Variants in NRXN3 observed in about 807,000 individuals in gnomAD.
NRXN3 encodes neurexin 3, also known as neurexin III.
In NRXN3, 32 loss-of-function variants were observed where a neutral mutation model predicts 137.6. The observed-to-expected ratio is 0.23, with a 90% confidence interval of 0.18 to 0.31. The LOEUF (loss-of-function observed/expected upper bound fraction) is 0.31. Ranked by LOEUF, NRXN3 falls within the 10% of genes least tolerant of loss-of-function variation. The pLI is 1.00. For synonymous variants in NRXN3, 798 were observed against 784.5 expected (o/e 1.02, Z -0.29); for missense variants, 1,574 against 2,062.5 (o/e 0.76, Z 4.59).
chr14:79,519,310 C>G (rs1195243334), intron 16 of NRXN3, among the ~76,000 whole-genome samples: 1 of 151,968 alleles, frequency 6.6e-6, no homozygotes, highest in Non-Finnish European at 1.5e-5. Context: ...TCCTCTTTTT[C>G]ATGATGAGAT....
chr14:79,604,618 G>A (rs923469276), intron 16 of NRXN3, among the ~76,000 whole-genome samples: 2 of 152,018 alleles, frequency 1.3e-5, no homozygotes, highest in Non-Finnish European at 2.9e-5. Context: ...TGGAAGTGAG[G>A]TTTAAAATCA....
intron 15 of NRXN3, among the ~76,000 whole-genome samples, chr14:79,390,537 C>G (rs1231326046): frequency 6.6e-6 from 1 of 152,108 alleles, no homozygotes; most frequent in Non-Finnish European, 1.5e-5. Context: ...CAATCTCACT[C>G]AAGACTGGGA....
Position 79,861,361 on chromosome 14 carries a change from A to AATCT in NRXN3, c.4114_4117dup (p.Phe1373TyrfsTer19). ...TAACAGATAAGAGTCTTTCCACTTC[A>AATCT]ATCTTCGAAGGTGGCTACAAAGCAC... On this transcript the variant is annotated frameshift_variant, in exon 21 of 21. Transcript: ENST00000335750. LOFTEE classifies it high-confidence loss of function. The surrounding 1 kb of genome is among the most constrained non-coding windows in gnomAD (Gnocchi z 5.4). The AATCT allele has an allele frequency of 6.5e-7, 1 of 1,536,134 alleles. No homozygotes were observed.
chr14:79,826,285 G>A (rs1300240367), intron 20 of NRXN3, among the ~76,000 whole-genome samples: 1 of 152,056 alleles, frequency 6.6e-6, no homozygotes, highest in Non-Finnish European at 1.5e-5. Flanking sequence ...GAGCCGCTGT[G>A]CCCAACCTGA....
At chr14:79,080,438 T>C (rs752531553) in intron 15 of NRXN3, among the ~76,000 whole-genome samples, 3 of 152,182 alleles carry the variant, frequency 2.0e-5, no homozygotes, top group Non-Finnish European at 4.4e-5. Flanking sequence ...TGGAGACTCT[T>C]TGAGAAGGAG....
intron 19 of NRXN3, among the ~76,000 whole-genome samples, chr14:79,796,102 G>A (rs1169718229): frequency 6.6e-6 from 1 of 152,106 alleles, no homozygotes; most frequent in African/African-American, 2.4e-5. Flanking sequence ...CAATCCTAGA[G>A]AGGACAGCAC....
At chr14:79,320,597 A>G (rs1191043349) in intron 15 of NRXN3, among the ~76,000 whole-genome samples, 1 of 152,212 alleles carries the variant, frequency 6.6e-6, no homozygotes, top group African/African-American at 2.4e-5. Flanking sequence ...TCAAGGCCTG[A>G]AGCATTTAAA....
At chr14:79,587,302 A>G (rs2097771061) in intron 16 of NRXN3, among the ~76,000 whole-genome samples, 3 of 152,228 alleles carry the variant, frequency 2.0e-5, no homozygotes, top group Admixed American at 2.0e-4. Flanking sequence ...CTATAAATAT[A>G]GTTTCCTTTG....
intron 16 of NRXN3, among the ~76,000 whole-genome samples, chr14:79,477,430 C>A (rs956412950): frequency 6.6e-6 from 1 of 152,052 alleles, no homozygotes; most frequent in Admixed American, 6.6e-5. Context: ...GGCAATAATG[C>A]CAATTTGTAG....
chr14:79,340,183 G>A (rs1566847494), intron 15 of NRXN3, among the ~76,000 whole-genome samples: 2 of 151,780 alleles, frequency 1.3e-5, no homozygotes, highest in African/African-American at 4.9e-5. Flanking sequence ...GTGTGTGTGT[G>A]TGTGTGTATG....
chr14:79,577,850 C>T (rs1398051665), intron 16 of NRXN3, among the ~76,000 whole-genome samples: 1 of 152,200 alleles, frequency 6.6e-6, no homozygotes, highest in Non-Finnish European at 1.5e-5. Flanking sequence ...TCTCTTACAT[C>T]TGTTTGCACA....
At chr14:78,284,359 C>T (rs932054483) in intron 3 of NRXN3, among the ~76,000 whole-genome samples, 1 of 152,126 alleles carries the variant, frequency 6.6e-6, no homozygotes, top group Non-Finnish European at 1.5e-5. Flanking sequence ...CCAGACCTAA[C>T]CAATGTACTT....
intron 15 of NRXN3, among the ~76,000 whole-genome samples, chr14:79,284,416 G>C (rs557192275): frequency 3.1e-5 from 4 of 129,454 alleles, no homozygotes; most frequent in Non-Finnish European, 6.4e-5. Flanking sequence ...CCTAAAAAAT[G>C]CTTCAGTATT....
chr14:79,782,477 T>A (rs2099116863), intron 19 of NRXN3, among the ~76,000 whole-genome samples: 1 of 151,900 alleles, frequency 6.6e-6, no homozygotes, highest in Admixed American at 6.5e-5. Flanking sequence ...ATGGTTATTA[T>A]GGTCTCTTGA....
intron 10 of NRXN3, among the ~76,000 whole-genome samples, chr14:78,919,855 T>A (rs1567704301): frequency 6.6e-6 from 1 of 152,238 alleles, no homozygotes; most frequent in African/African-American, 2.4e-5. Context: ...AGTAATAATG[T>A]TATTTTATTA....
chr14:79,815,287 G>A (rs1030351847), intron 20 of NRXN3, among the ~76,000 whole-genome samples: 3 of 152,158 alleles, frequency 2.0e-5, no homozygotes, highest in Non-Finnish European at 2.9e-5. Context: ...GGTTGAGCAC[G>A]AGAATATCAA....
rs183053676 is a variant in NRXN3 at position 78,423,497 on chromosome 14, G to A, written c.757+125637G>A. 2.0e-5 allele frequency among the ~76,000 whole-genome samples: 3 copies of A among 152,216 alleles called. No homozygotes were observed. The East Asian group carries it at 5.8e-4, about 29-fold the overall frequency. On this transcript the variant is annotated intron_variant, in intron 4 of 20. Coordinates refer to ENST00000335750, the MANE Select transcript of NRXN3 (RefSeq NM_001330195.2). ...GCAGAGTTGTCTTTGGAATGACGGC[G>A]CCTCATCAATACAGAATTTGTGATA... is the stretch of plus-strand genomic sequence containing the variant.
chr14:78,770,222 G>A (rs1371123782), intron 8 of NRXN3, among the ~76,000 whole-genome samples: 30 of 152,238 alleles, frequency 2.0e-4, no homozygotes, highest in Admixed American at 1.8e-3. Flanking sequence ...ACCCAGGGTC[G>A]CCCAGCGCTG....
At chr14:79,017,915 C>A (rs1042275169) in intron 15 of NRXN3, among the ~76,000 whole-genome samples, 4 of 152,040 alleles carry the variant, frequency 2.6e-5, no homozygotes, top group Admixed American at 2.0e-4. Context: ...TCAAAGGGAA[C>A]CTTTGATGAC....
Sources: gnomAD v4.1 joint callset for allele counts (sites outside exome capture counted in the v4.1 genomes callset) on GRCh38, gnomAD v4.1.1 for gene constraint, Gnocchi (gnomAD v3.1) non-coding constraint, MANE v1.5 for transcripts, NCBI Gene and HGNC (gene_info 2026-07-23, HGNC 2026-07-21) for gene names.